The following SAMMSON variants were observed in gnomAD, a reference collection of about 807,000 sequenced individuals.
SAMMSON encodes long intergenic non-protein coding RNA 1212.
At chr3:70,392,137 A>T (rs1325762364), downstream of SAMMSON, among the ~76,000 whole-genome samples, 1 of 152,180 alleles carries the variant, frequency 6.6e-6, no homozygotes, top group Admixed American at 6.6e-5. Context: ...TCGAAAACTT[A>T]AACAGGTCTG....
chr3:70,241,426 A>G (rs1183173090), intron 4 of SAMMSON, among the ~76,000 whole-genome samples: 1 of 152,212 alleles, frequency 6.6e-6, no homozygotes, highest in Non-Finnish European at 1.5e-5. Flanking sequence ...TAACACTAAA[A>G]AAGTTTATAT....
At chr3:70,389,102 C>T (rs1300627557) in intron 9 of SAMMSON, among the ~76,000 whole-genome samples, 2 of 152,098 alleles carry the variant, frequency 1.3e-5, no homozygotes, top group East Asian at 3.9e-4. Context: ...CATTCCCTTT[C>T]TGTTTCTTCC....
intron 6 of SAMMSON, among the ~76,000 whole-genome samples, chr3:70,265,694 A>G (rs1368094331): frequency 6.6e-6 from 1 of 152,250 alleles, no homozygotes; most frequent in Non-Finnish European, 1.5e-5. Flanking sequence ...TGCTGTAAAG[A>G]ACTGCCTGAG....
chr3:70,302,166 C>T (rs184200746), intron 7 of SAMMSON, among the ~76,000 whole-genome samples: 30 of 152,246 alleles, frequency 2.0e-4, no homozygotes, highest in African/African-American at 5.8e-4. Flanking sequence ...ATTTACTTCT[C>T]GACAGGCTTA....
In SAMMSON at chr3:70,126,255, C is replaced by CTTTTTT. The variant is rs34272654; in HGVS notation, n.507+54700_507+54705dup. The stretch of plus-strand genomic sequence containing the variant: ...ATCGTCTTCAACAGGGTCATCAGAC[C>CTTTTTT]TTTTTTTTTTTTTTTCAGAGACTGG... On this transcript the variant is annotated intron_variant and non_coding_transcript_variant, in intron 4 of 9. Coordinates refer to ENST00000642114, the Ensembl canonical transcript of SAMMSON. 1.1e-5 allele frequency: 9 copies of CTTTTTT among 851,336 alleles called. 1 individual carries two copies. The highest frequency in any genetic ancestry group is 5.5e-5 in the African/African-American group (3 of 54,642). 52.7% of individuals were successfully genotyped at this position (851,336 alleles called of 1,614,324 possible).
intron 9 of SAMMSON, among the ~76,000 whole-genome samples, chr3:70,378,996 T>C (rs906943036): frequency 4.7e-5 from 7 of 148,378 alleles, no homozygotes; most frequent in African/African-American, 1.8e-4. Context: ...TATTTATTTA[T>C]TTATTTATTT....
chr3:70,123,101 G>A (rs1356587985), intron 4 of SAMMSON, among the ~76,000 whole-genome samples: 12 of 152,310 alleles, frequency 7.9e-5, no homozygotes, highest in Admixed American at 7.8e-4. Flanking sequence ...GCTTGTTAGA[G>A]CACAGATGAT....
intron 2 of SAMMSON, among the ~76,000 whole-genome samples, chr3:70,396,620 T>C (rs2106760315): frequency 6.6e-6 from 1 of 152,334 alleles, no homozygotes; most frequent in South Asian, 2.1e-4. Context: ...AGGTTTCATG[T>C]GGGCAGCTGA....
chr3:70,378,557 T>C (rs951007892), intron 9 of SAMMSON, among the ~76,000 whole-genome samples: 1 of 152,140 alleles, frequency 6.6e-6, no homozygotes, highest in African/African-American at 2.4e-5. Context: ...ATTTTGATGG[T>C]ATAATGTTTT....
At chr3:70,374,810 T>G (rs1263523582) in intron 9 of SAMMSON, among the ~76,000 whole-genome samples, 1 of 152,218 alleles carries the variant, frequency 6.6e-6, no homozygotes, top group Non-Finnish European at 1.5e-5. Context: ...CCACACTTTT[T>G]TCCTGTGGTA....
At position 70,028,143 on chromosome 3, in the gene SAMMSON, T is replaced by TTTCC. The variant is rs540467067; in HGVS notation, n.417+14514_417+14517dup. ...CTTCCTTCCGTCCCTTCCTTCCTTCTTTCCTTCCTTCCTTCCTTCCTTCCT... is the reference window on the plus strand; with the variant it reads ...CTTCCTTCCGTCCCTTCCTTCCTTCTTTCCTTCCTTCCTTCCTTCCTTCCTTCCT... On this transcript the variant is annotated intron_variant and non_coding_transcript_variant, in intron 3 of 9. Transcript: ENST00000642114. Among the ~76,000 whole-genome samples the TTTCC allele has an allele frequency of 4.8e-3, 631 of 130,814 alleles. 9 individuals are homozygous for TTTCC. The highest frequency in any genetic ancestry group is 0.014 in the African/African-American group (468 of 32,926). 85.8% of individuals were successfully genotyped at this position (130,814 alleles called of 152,430 possible).
chr3:70,210,613 G>T (rs529523862), intron 4 of SAMMSON, among the ~76,000 whole-genome samples: 1 of 152,216 alleles, frequency 6.6e-6, no homozygotes, highest in East Asian at 1.9e-4. Flanking sequence ...AAAAAGTAGT[G>T]TCATATCTTC....
intron 6 of SAMMSON, among the ~76,000 whole-genome samples, chr3:70,285,348 A>G (rs1268225112): frequency 6.6e-6 from 1 of 151,436 alleles, no homozygotes; most frequent in Admixed American, 6.6e-5. Flanking sequence ...GAGAATGATG[A>G]CTTCCAATTT....
chr3:70,416,646 G>A (rs1701266700), intron 2 of SAMMSON, among the ~76,000 whole-genome samples: 1 of 151,880 alleles, frequency 6.6e-6, no homozygotes, highest in Admixed American at 6.6e-5. Context: ...TAATTTCATG[G>A]CTGATTTAAA....
chr3:70,385,251 A>T (rs1019704262), intron 9 of SAMMSON, among the ~76,000 whole-genome samples: 5 of 152,106 alleles, frequency 3.3e-5, no homozygotes, highest in Middle Eastern at 3.2e-3. Context: ...ATTAACAGAG[A>T]AAAATGTTCT....
chr3:70,221,767 C>T (rs994051886), intron 4 of SAMMSON, among the ~76,000 whole-genome samples: 10 of 152,040 alleles, frequency 6.6e-5, no homozygotes, highest in Non-Finnish European at 1.0e-4. Context: ...TCCTTGGGAC[C>T]GTGATTATAT....
At chr3:70,346,807 T>C (rs1575630590) in intron 7 of SAMMSON, among the ~76,000 whole-genome samples, 1 of 152,324 alleles carries the variant, frequency 6.6e-6, no homozygotes, top group East Asian at 1.9e-4. Flanking sequence ...ATTACAAATG[T>C]AATGTTAGTA....
intron 9 of SAMMSON, among the ~76,000 whole-genome samples, chr3:70,361,046 T>G (rs1270999765): frequency 1.3e-5 from 2 of 152,112 alleles, no homozygotes; most frequent in Non-Finnish European, 2.9e-5. Flanking sequence ...GTATTACAGA[T>G]AAGAAAACTC....
chr3:70,294,709 A>T (rs1702273407), intron 7 of SAMMSON, among the ~76,000 whole-genome samples: 1 of 152,136 alleles, frequency 6.6e-6, no homozygotes, highest in South Asian at 2.1e-4. Flanking sequence ...TGGCTCGAGG[A>T]TTGATTAAAT....
Sources: allele counts gnomAD v4.1 joint callset (sites outside exome capture counted in the v4.1 genomes callset), GRCh38; gene constraint gnomAD v4.1.1; transcripts MANE v1.5; gene names NCBI Gene and HGNC (gene_info 2026-07-23, HGNC 2026-07-21).